Variants in ELP3 observed in about 807,000 individuals in gnomAD.
The protein encoded by ELP3 is elongator complex protein 3.
Under a neutral mutation model 74.9 loss-of-function variants are expected in ELP3, and 56 were observed. The observed-to-expected ratio is 0.75, with a 90% confidence interval of 0.60 to 0.93. ELP3 has a LOEUF of 0.93. Among genes scored for constraint, ELP3 ranks in the 40% least tolerant of loss-of-function variants. The pLI, the probability that ELP3 is intolerant of heterozygous loss-of-function variation, is 0.00. For missense variants in ELP3, 573 were observed against 686.5 expected, an observed-to-expected ratio of 0.83 and a Z score of 1.85; for synonymous variants, 222 against 239.8, an observed-to-expected ratio of 0.93 and a Z score of 0.68.
intron 14 of ELP3, among the ~76,000 whole-genome samples, chr8:28,185,235 C>G (rs545439707): frequency 1.3e-5 from 2 of 152,314 alleles, no homozygotes; most frequent in Admixed American, 1.3e-4. Flanking sequence ...CTCTTAATCT[C>G]TCAGCTAACA....
intron 9 of ELP3, among the ~76,000 whole-genome samples, chr8:28,135,794 C>T (rs533497101): frequency 1.2e-4 from 19 of 152,128 alleles, no homozygotes; most frequent in Admixed American, 6.6e-4. Flanking sequence ...GCAGGCCTTT[C>T]GTTACTGTCT....
intron 10 of ELP3, among the ~76,000 whole-genome samples, chr8:28,145,366 C>T (rs922653862): frequency 3.9e-5 from 6 of 152,180 alleles, no homozygotes; most frequent in Admixed American, 1.3e-4. Flanking sequence ...TTATGTCTTG[C>T]TAGGAAGAAA....
intron 14 of ELP3, among the ~76,000 whole-genome samples, chr8:28,169,080 A>G (rs1381389252): frequency 2.0e-5 from 3 of 152,158 alleles, no homozygotes; most frequent in Non-Finnish European, 4.4e-5. Flanking sequence ...TGTTAGACAT[A>G]GAATTGTAGT....
Position 28,099,322 on chromosome 8 carries a change from CA to C in ELP3, c.120-505del, listed in dbSNP as rs764649346. ...TTTGTCTAAGACAGTAGTTGTCAAC[CA>C]GGGGTGATTTCCTCCTCAGGACATT... On this transcript the variant is annotated intron_variant, in intron 2 of 14. Transcript: ENST00000256398. Among the ~76,000 whole-genome samples, 37 of 151,944 alleles carry C rather than the reference CA, an allele frequency of 2.4e-4. No homozygotes were observed. In the East Asian group the frequency reaches 5.6e-3, roughly 23 times the overall value.
chr8:28,100,077 A>C (rs1301996620), intron 3 of ELP3, 111 bp downstream of exon 3: 1 of 1,364,142 alleles, frequency 7.3e-7, no homozygotes, highest in Non-Finnish European at 1.0e-6. Context: ...TTCTGAACTA[A>C]TGAAGTCCCT....
intron 7 of ELP3, among the ~76,000 whole-genome samples, chr8:28,115,780 TATGTATGTGCAC>T (rs759704754): frequency 2.0e-5 from 3 of 152,216 alleles, no homozygotes; most frequent in Non-Finnish European, 4.4e-5. Flanking sequence ...AGTGTGTCTG[TATGTATGTGCAC>T]ATGTGTGTGC....
chr8:28,141,859 C>T (rs1016381419), intron 10 of ELP3, among the ~76,000 whole-genome samples: 8 of 152,112 alleles, frequency 5.3e-5, no homozygotes, highest in Admixed American at 1.3e-4. Flanking sequence ...GCTTCTCAGC[C>T]GCAGAGCATG....
chr8:28,162,110 T>C, intron 14 of ELP3, 32 bp downstream of exon 14: 1 of 1,608,080 alleles, frequency 6.2e-7, no homozygotes, highest in Non-Finnish European at 8.5e-7. Context: ...TCATGATTCC[T>C]TCCCATTTTG....
At chr8:28,116,369 T>C (rs11781887) in intron 7 of ELP3, among the ~76,000 whole-genome samples, 59,282 of 152,088 alleles carry the variant, frequency 0.39, 12,113 homozygotes, top group East Asian at 0.56. Context: ...TCTGGACCTG[T>C]AGCATTGTGA....
intron 10 of ELP3, among the ~76,000 whole-genome samples, chr8:28,150,220 A>G (rs1364305134): frequency 6.6e-6 from 1 of 152,212 alleles, no homozygotes; most frequent in Non-Finnish European, 1.5e-5. Context: ...AATTGAATAC[A>G]TTGTTGCTAT....
chr8:28,115,251 G>A (rs1812082131), intron 7 of ELP3, among the ~76,000 whole-genome samples: 1 of 152,082 alleles, frequency 6.6e-6, no homozygotes, highest in Non-Finnish European at 1.5e-5. Context: ...TACGAAACTG[G>A]GGATTATCAG....
chr8:28,134,186 G>A (rs1812892675), intron 9 of ELP3, among the ~76,000 whole-genome samples: 2 of 152,098 alleles, frequency 1.3e-5, no homozygotes, highest in African/African-American at 4.8e-5. Flanking sequence ...CTTTAGCACA[G>A]CTCCTAGGGA....
chr8:28,158,994 C>A (rs965897188), intron 12 of ELP3, among the ~76,000 whole-genome samples: 10 of 152,112 alleles, frequency 6.6e-5, no homozygotes, highest in Non-Finnish European at 1.5e-4. Flanking sequence ...AAAATAAATT[C>A]AATTGTAAAT....
At chr8:28,159,792 T>C (rs1381021177) in intron 12 of ELP3, among the ~76,000 whole-genome samples, 1 of 152,212 alleles carries the variant, frequency 6.6e-6, no homozygotes, top group Non-Finnish European at 1.5e-5. Context: ...TCCCCAAAGA[T>C]AGGTTTCAGT....
chr8:28,104,563 G>C (rs997972357), intron 3 of ELP3, among the ~76,000 whole-genome samples: 1 of 152,046 alleles, frequency 6.6e-6, no homozygotes, highest in African/African-American at 2.4e-5. Flanking sequence ...GTCTTTTTTG[G>C]ACTCCGTTAT....
intron 3 of ELP3, among the ~76,000 whole-genome samples, 174 bp from the exon 4 acceptor site, chr8:28,106,539 C>CAAAA (rs61714722): frequency 1.8e-5 from 2 of 112,696 alleles, no homozygotes; most frequent in Non-Finnish European, 4.2e-5. Context: ...GACTCCGTCT[C>CAAAA]AAAAAAAAAA....
At chr8:28,178,111 C>A (rs1456287628) in intron 14 of ELP3, among the ~76,000 whole-genome samples, 1 of 152,144 alleles carries the variant, frequency 6.6e-6, no homozygotes, top group Non-Finnish European at 1.5e-5. Flanking sequence ...TTAAATAACA[C>A]CTGTATGTCT....
At chr8:28,157,715 C>T (rs1242228306) in intron 11 of ELP3, among the ~76,000 whole-genome samples, 1 of 151,906 alleles carries the variant, frequency 6.6e-6, no homozygotes, top group Non-Finnish European at 1.5e-5. Flanking sequence ...GGGAAATATA[C>T]CATAAGATAT....
At chr8:28,145,741 A>G (rs1488793874) in intron 10 of ELP3, among the ~76,000 whole-genome samples, 6 of 152,206 alleles carry the variant, frequency 3.9e-5, no homozygotes, top group Non-Finnish European at 5.9e-5. Flanking sequence ...CTCCTGCCTC[A>G]TCCTCCTGAG....
Sources: gnomAD v4.1 joint callset for allele counts (sites outside exome capture counted in the v4.1 genomes callset) on GRCh38, gnomAD v4.1.1 for gene constraint, MANE v1.5 for transcripts, NCBI Gene and HGNC (gene_info 2026-07-23, HGNC 2026-07-21) for gene names.